Variants in RBSN observed in about 807,000 individuals in gnomAD.
The protein encoded by RBSN is rabenosyn-5.
RBSN carries 34 observed loss-of-function variants against 60.5 expected under a neutral mutation model. The observed-to-expected ratio is 0.56, with a 90% CI of 0.43 to 0.75. The LOEUF is 0.75. Ranked by LOEUF, RBSN falls within the 30% of genes least tolerant of loss-of-function variation. The probability of loss-of-function intolerance (pLI) is 0.00; values close to 1 mark genes in which losing one functional copy is unlikely to be tolerated. For synonymous variants in RBSN, 322 were observed against 366.9 expected, an observed-to-expected ratio of 0.88 and a Z score of 1.40; for missense variants, 845 against 986.8, an observed-to-expected ratio of 0.86 and a Z score of 1.92.
Position 15,074,718 on chromosome 3 carries a change from G to A in RBSN, c.1419C>T (p.Ala473=), listed in dbSNP as rs774191359. 1 of 1,614,134 alleles carries A rather than the reference G, an allele frequency of 6.2e-7. No homozygotes were observed. Among genetic ancestry groups the A allele is most frequent in the African/African-American group, 1.3e-5 (1 of 74,954 alleles). Residue 473 remains alanine, a synonymous_variant, in exon 14 of 14, where the codon GCC becomes GCT. Coordinates refer to ENST00000253699, the MANE Select transcript of RBSN (RefSeq NM_022340.4). This position sits in a 1 kb window ranked among gnomAD's most constrained non-coding sequence, Gnocchi z 6.4. ...CTTCATCCATGCGGCCCGCGGCCTT[G>A]GCCTGCCTGATGAATGATGTGATGT... ...IHNITSFIRQ[A]KAAGRMDEVR... is the part of the protein sequence containing the mutation.
At chr3:15,089,542 G>A (rs1445026592) in intron 5 of RBSN, among the ~76,000 whole-genome samples, 2 of 146,368 alleles carry the variant, frequency 1.4e-5, no homozygotes. Context: ...ATGATAAATA[G>A]CTTTATTGAG....
At position 15,073,868 on chromosome 3, in the gene RBSN, C is replaced by A. The variant is rs139267270; in HGVS notation, c.2269G>T (p.Gly757Cys). ...KAYIFDAKQC[G>C]RLDEVEVLTE... ...AGCACCTCTACCTCATCCAGGCGGC[C>A]GCACTGCTTGGCATCAAAGATGTAT... Residue 757 changes from glycine to cysteine, a missense_variant, in exon 14 of 14, where the codon GGC (glycine) becomes TGC (cysteine). By Grantham distance (159) the Gly-to-Cys change is radical. Transcript: ENST00000253699. The A allele has an allele frequency of 1.2e-6, 2 of 1,613,994 alleles. No individual in the cohort carries two copies. Among genetic ancestry groups the A allele is most frequent in the Admixed American group, 3.3e-5 (2 of 60,002 alleles).
At chr3:15,098,548 G>A (rs2043736404) in intron 1 of RBSN, among the ~76,000 whole-genome samples, 1 of 143,872 alleles carries the variant, frequency 7.0e-6, no homozygotes, top group Non-Finnish European at 1.5e-5. Flanking sequence ...CCGCATCGAC[G>A]ACACATCCCA....
At position 15,071,200 on chromosome 3, in the gene RBSN, G is replaced by C. The variant is rs372458170; in HGVS notation, c.*2582C>G. The C allele has an allele frequency of 5.3e-5, 8 of 152,324 alleles. No individual in the cohort carries two copies. The highest frequency in any genetic ancestry group is 1.9e-4 in the African/African-American group (8 of 41,578). 9.4% of individuals were successfully genotyped at this position (152,324 alleles called of 1,614,324 possible). On this transcript the variant is annotated 3_prime_UTR_variant, in exon 14 of 14. Transcript: ENST00000253699. ...TTTAGTTACTTACAGATTGCTACCT[G>C]AGGTGATTTGAGGGAAGGGTATGTT...
chr3:15,096,236 G>T lies in RBSN; in HGVS notation c.-116C>A. Reference sequence around the variant, plus strand: ...AGCTTAAGCAGCACACAGATGGTGAGGAAGTGGCTTCATGGCCCTGGATGA... The same window carrying T: ...AGCTTAAGCAGCACACAGATGGTGATGAAGTGGCTTCATGGCCCTGGATGA... On this transcript the variant is annotated 5_prime_UTR_variant, in exon 4 of 14. Coordinates refer to ENST00000253699, the MANE Select transcript of RBSN (RefSeq NM_022340.4). 1 of 1,151,554 alleles carries T rather than the reference G, an allele frequency of 8.7e-7. No homozygotes were observed. The highest frequency in any genetic ancestry group is 2.2e-5 in the South Asian group (1 of 46,048). 71.3% of individuals were successfully genotyped at this position (1,151,554 alleles called of 1,614,324 possible).
chr3:15,073,920 G>A lies in RBSN; in HGVS notation c.2217C>T (p.Leu739=), dbSNP rs766874947. 5 of 1,614,074 alleles carry A rather than the reference G, an allele frequency of 3.1e-6. No individual in the cohort carries two copies. Among genetic ancestry groups the A allele is most frequent in the Non-Finnish European group, 3.4e-6 (4 of 1,180,020 alleles). The stretch of plus-strand genomic sequence containing the variant: ...CCTTGATGTTATCGATCTGCTGCAG[G>A]AGGAGCTCTTCCTCTATGGGCTCCT... ...EAEEPIEEEL[L]LQQIDNIKAY... is the part of the protein sequence containing the mutation. The change falls in exon 14 of 14, where the codon CTC becomes CTT. Residue 739 remains leucine (L), a synonymous_variant. Transcript: ENST00000253699.
In RBSN at chr3:15,074,594, C is replaced by T; in HGVS notation, c.1543G>A (p.Glu515Lys). The T allele has an allele frequency of 6.2e-7, 1 of 1,614,266 alleles. No homozygotes were observed. The highest frequency in any genetic ancestry group is 8.5e-7 in the Non-Finnish European group (1 of 1,180,042). Residue 515 changes from glutamate (E) to lysine (K), a missense_variant, in exon 14 of 14, where the codon GAG becomes AAG. Coordinates refer to ENST00000253699, the MANE Select transcript of RBSN (RefSeq NM_022340.4). The surrounding 1 kb of genome is among the most constrained non-coding windows in gnomAD (Gnocchi z 6.4). ...TGCAGCTGTTCCCGCTGCAGGTCCT[C>T]CTCCTCAGCCTGCCTCCGGGACAGC... ...IELSRRQAEE[E>K]DLQREQLQML...
Position 15,082,676 on chromosome 3 carries a change from A to G in RBSN, c.599-68T>C. 6.4e-7 allele frequency: 1 copy of G among 1,565,838 alleles called. No individual in the cohort carries two copies. The highest frequency in any genetic ancestry group is 2.3e-5 in the East Asian group (1 of 43,286). On this transcript the variant is annotated intron_variant, in intron 8 of 13. Transcript: ENST00000253699. This position sits in a 1 kb window ranked among gnomAD's most constrained non-coding sequence, Gnocchi z 4.2. Reference sequence around the variant, plus strand: ...TCCAATTACCATACCCACGACCTCAAGGTGTCAGTCCACAGGTGTTTGATT... The same window carrying G: ...TCCAATTACCATACCCACGACCTCAGGGTGTCAGTCCACAGGTGTTTGATT...
In RBSN at chr3:15,082,036, T is replaced by G. The variant is rs192478750; in HGVS notation, c.840+331A>C. On this transcript the variant is annotated intron_variant, in intron 9 of 13. Coordinates refer to ENST00000253699, the MANE Select transcript of RBSN (RefSeq NM_022340.4). The surrounding 1 kb of genome is among the most constrained non-coding windows in gnomAD (Gnocchi z 4.2). The stretch of plus-strand genomic sequence containing the variant: ...TCTTCTGGCCCACTGTTTATGAACA[T>G]CTCTAGCTTCTGCCCTTCCCACAGA... Among the ~76,000 whole-genome samples the G allele has an allele frequency of 7.1e-4, 108 of 152,270 alleles. No individual in the cohort carries two copies. The highest frequency in any genetic ancestry group is 2.2e-3 in the African/African-American group (93 of 41,540).
At chr3:15,080,910 C>T (rs1384642429) in intron 9 of RBSN, 108 bp from the exon 10 acceptor site, 17 of 897,648 alleles carry the variant, frequency 1.9e-5, no homozygotes, top group Non-Finnish European at 2.8e-5. Context: ...ACTTTTCTAA[C>T]ACATTAATTG....
chr3:15,087,409 G>A (rs922066158), intron 5 of RBSN, among the ~76,000 whole-genome samples: 1 of 152,114 alleles, frequency 6.6e-6, no homozygotes, highest in South Asian at 2.1e-4. Flanking sequence ...CAGCTACTCA[G>A]GTGGCTGAGG....
At position 15,085,037 on chromosome 3, in the gene RBSN, T is replaced by A; in HGVS notation, c.399A>T (p.Ala133=). 6.2e-7 allele frequency: 1 copy of A among 1,614,248 alleles called. No homozygotes were observed. The change falls in exon 7 of 14, where the codon GCA becomes GCT. Residue 133 remains alanine (A), a synonymous_variant. Transcript: ENST00000253699. ...CAGACTCAGTATTTGTTCTGTCAAA[T>A]GCAGTGAGCTGACCGGAAGAAAATA... The part of the protein sequence containing the change: ...KLIIRLEKLT[A]FDRTNTESAK...
intron 13 of RBSN, chr3:15,075,210 A>AG: frequency 3.5e-6 from 2 of 570,940 alleles, no homozygotes; most frequent in African/African-American, 3.8e-5. Flanking sequence ...TAAACCTCTA[A>AG]GGTCTGTTCC....
Position 15,084,840 on chromosome 3 carries a change from C to G in RBSN, c.493G>C (p.Asp165His). The change falls in exon 8 of 14, where the codon GAC becomes CAC. Residue 165 changes from aspartate to histidine, a missense_variant. Physicochemically the swap from Asp to His is moderately conservative, Grantham distance 81. Coordinates refer to ENST00000253699, the MANE Select transcript of RBSN (RefSeq NM_022340.4). The surrounding 1 kb of genome is among the most constrained non-coding windows in gnomAD (Gnocchi z 4.2). ...CGGATGCTGAACTTATTCCCACAGTCTGGACAGAAAGGGACATCCTGGTCG... is the reference window on the plus strand; with the variant it reads ...CGGATGCTGAACTTATTCCCACAGTGTGGACAGAAAGGGACATCCTGGTCG... ...VNDQDVPFCP[D>H]CGNKFSIRNR... 1 of 1,614,192 alleles carries G rather than the reference C, an allele frequency of 6.2e-7. No homozygotes were observed.
At chr3:15,093,321 C>T (rs1045198818) in intron 4 of RBSN, among the ~76,000 whole-genome samples, 11 of 152,186 alleles carry the variant, frequency 7.2e-5, no homozygotes, top group African/African-American at 2.7e-4. Context: ...ATCAAGAATT[C>T]CTTTCTAACT....
At position 15,077,696 on chromosome 3, in the gene RBSN, G is replaced by C. The variant is rs2043089243; in HGVS notation, c.998+379C>G. Among the ~76,000 whole-genome samples, 1 of 152,102 alleles carries C rather than the reference G, an allele frequency of 6.6e-6. No individual in the cohort carries two copies. Among genetic ancestry groups the C allele is most frequent in the African/African-American group, 2.4e-5 (1 of 41,410 alleles). ...GCACAGACACAAAGAAAGAACCTGA[G>C]TTTCTATCTTCACTCCACAATTTTT... is the stretch of plus-strand genomic sequence containing the variant. On this transcript the variant is annotated intron_variant, in intron 11 of 13. Transcript: ENST00000253699. The surrounding 1 kb of genome is among the most constrained non-coding windows in gnomAD (Gnocchi z 4.4).
rs1297166329 is a variant in RBSN, at chr3:15,074,269, G to C, written c.1868C>G (p.Pro623Arg). The change falls in exon 14 of 14, where the codon CCC (proline) becomes CGC (arginine). Residue 623 changes from proline (P) to arginine (R), a missense_variant. Transcript: ENST00000253699. The surrounding 1 kb of genome is among the most constrained non-coding windows in gnomAD (Gnocchi z 6.4). The part of the protein sequence containing the change: ...QSSMPQQHEG[P>R]SLNPFDEEDL... Reference sequence around the variant, plus strand: ...TTCCTCATCAAAGGGGTTTAAGGAGGGCCCCTCATGTTGCTGTGGCATGCT... The same window carrying C: ...TTCCTCATCAAAGGGGTTTAAGGAGCGCCCCTCATGTTGCTGTGGCATGCT... The C allele has an allele frequency of 2.5e-6, 4 of 1,612,962 alleles. No homozygotes were observed. Among genetic ancestry groups the C allele is most frequent in the African/African-American group, 1.3e-5 (1 of 74,876 alleles).
Position 15,075,687 on chromosome 3 carries a change from T to A in RBSN, c.1125A>T (p.Ser375=). 2 of 1,614,202 alleles carry A rather than the reference T, an allele frequency of 1.2e-6. No individual in the cohort carries two copies. Among genetic ancestry groups the A allele is most frequent in the Non-Finnish European group, 1.7e-6 (2 of 1,180,042 alleles). The change falls in exon 13 of 14, where the codon TCA becomes TCT. Residue 375 remains serine (S), a synonymous_variant. Coordinates refer to ENST00000253699, the MANE Select transcript of RBSN (RefSeq NM_022340.4). The part of the protein sequence containing the change: ...FVQEKLLGLM[S]LPTKEQFEEL... ...CCTCAAACTGTTCTTTGGTTGGCAGTGACATCAAACCAAGCAACTTTTCCT... is the reference window on the plus strand; with the variant it reads ...CCTCAAACTGTTCTTTGGTTGGCAGAGACATCAAACCAAGCAACTTTTCCT...
intron 4 of RBSN, among the ~76,000 whole-genome samples, chr3:15,095,512 T>C (rs1375124174): frequency 1.3e-5 from 2 of 152,236 alleles, no homozygotes; most frequent in Admixed American, 6.5e-5. Flanking sequence ...TTCTGGGCTA[T>C]AGAGGGCAAG....
Sources: gnomAD v4.1 joint callset for allele counts (sites outside exome capture counted in the v4.1 genomes callset) on GRCh38, gnomAD v4.1.1 for gene constraint, Gnocchi (gnomAD v3.1) non-coding constraint, MANE v1.5 for transcripts, NCBI Gene and HGNC (gene_info 2026-07-23, HGNC 2026-07-21) for gene names.